GXYLT2: variants seen among roughly 807,000 people sequenced by gnomAD.
The protein encoded by GXYLT2 is glycosyltransferase 8 domain containing 4.
In GXYLT2, 53 loss-of-function variants were observed where a neutral mutation model predicts 45.8. That is an observed-to-expected ratio of 1.16 (90% CI 0.93 to 1.46). The LOEUF (loss-of-function observed/expected upper bound fraction) is 1.46. Among genes scored for constraint, GXYLT2 ranks in the 40% most tolerant of loss-of-function variants. The probability of loss-of-function intolerance (pLI) is 0.00; values close to 1 mark genes in which losing one functional copy is unlikely to be tolerated. For synonymous variants in GXYLT2, 219 were observed against 214.2 expected (o/e 1.02, Z -0.19); for missense variants, 551 against 544.4 (o/e 1.01, Z -0.12).
At chr3:72,908,299 G>A (rs944489484) in intron 1 of GXYLT2, 68 bp from the exon 2 acceptor site, 134 of 1,125,516 alleles carry the variant, frequency 1.2e-4, no homozygotes, top group Non-Finnish European at 1.6e-4. Context: ...CCATTCACTC[G>A]CCGGTTTTTT....
chr3:72,899,841 G>A (rs891273138), intron 1 of GXYLT2, among the ~76,000 whole-genome samples: 2 of 152,176 alleles, frequency 1.3e-5, no homozygotes, highest in Non-Finnish European at 2.9e-5. Context: ...CCCATAAGGT[G>A]AGGGTATTCA....
At chr3:72,928,605 A>G (rs570707405) in intron 3 of GXYLT2, among the ~76,000 whole-genome samples, 16 of 152,304 alleles carry the variant, frequency 1.1e-4, no homozygotes, top group African/African-American at 3.6e-4. Context: ...CTTAATGAGA[A>G]CAGCAAGCTA....
In GXYLT2 at chr3:72,922,295, A is replaced by C. The variant is rs926382704; in HGVS notation, c.560A>C (p.Lys187Thr). Residue 187 changes from lysine to threonine, a missense_variant, in exon 3 of 7, where the codon AAA becomes ACA. By Grantham distance (78) the Lys-to-Thr change is moderately conservative. Coordinates refer to ENST00000389617, the MANE Select transcript of GXYLT2 (RefSeq NM_001080393.2). ...FSVGNPQEWK[K>T]LFKPCAAQRL... ...GTTGGAAACCCTCAGGAGTGGAAGA[A>C]ATTGTTCAAACCCTGTGCTGCCCAG... 1.9e-6 allele frequency: 3 copies of C among 1,613,760 alleles called. No homozygotes were observed. The highest frequency in any genetic ancestry group is 2.5e-6 in the Non-Finnish European group (3 of 1,179,836).
intron 6 of GXYLT2, among the ~76,000 whole-genome samples, chr3:72,973,928 C>G (rs1000328237): frequency 5.9e-5 from 9 of 152,076 alleles, no homozygotes; most frequent in Non-Finnish European, 1.0e-4. Context: ...AATCTCCTTC[C>G]GAGAAGAAAC....
chr3:72,892,650 T>G (rs953937759), intron 1 of GXYLT2, among the ~76,000 whole-genome samples: 6 of 152,132 alleles, frequency 3.9e-5, no homozygotes, highest in African/African-American at 1.4e-4. Flanking sequence ...GCAGTTCCCT[T>G]TAGTGTCTGA....
rs1227891702 is a variant in GXYLT2 at position 72,975,729 on chromosome 3, C to T, written c.*570C>T. The T allele has an allele frequency of 2.0e-5, 3 of 152,194 alleles. No individual in the cohort carries two copies. The East Asian group carries it at 5.8e-4, about 29-fold the overall frequency. The allele number at this position is 152,194 out of a possible 1,614,324, so 9.4% of individuals were successfully genotyped here. ...TCTACTTTTGCATTTTCCACTCTAA[C>T]ACACATCTAAAACAGGTAATCTCAG... On this transcript the variant is annotated 3_prime_UTR_variant, in exon 7 of 7. Coordinates refer to ENST00000389617, the MANE Select transcript of GXYLT2 (RefSeq NM_001080393.2).
chr3:72,927,410 C>T (rs1283158486), intron 3 of GXYLT2, among the ~76,000 whole-genome samples: 2 of 152,104 alleles, frequency 1.3e-5, no homozygotes, highest in Admixed American at 6.5e-5. Flanking sequence ...TTTCTACTTA[C>T]GGCTTGTTAA....
At chr3:72,904,773 G>A (rs917305968) in intron 1 of GXYLT2, among the ~76,000 whole-genome samples, 1 of 151,292 alleles carries the variant, frequency 6.6e-6, no homozygotes. Context: ...AGGCATGGTG[G>A]CTCACCCCTG....
intron 4 of GXYLT2, among the ~76,000 whole-genome samples, chr3:72,955,922 A>T (rs1264649116): frequency 6.6e-6 from 1 of 152,152 alleles, no homozygotes; most frequent in East Asian, 1.9e-4. Context: ...TATTAAAAAC[A>T]CAAAAATTAG....
rs200250227 is a variant in GXYLT2, at chr3:72,975,926, C to CTTTTTTTTTTT, written c.*780_*790dup. On this transcript the variant is annotated 3_prime_UTR_variant, in exon 7 of 7. Transcript: ENST00000389617. ...GGGTATTTCTTCTTTTTCTTTCTTT[C>CTTTTTTTTTTT]TTTTTTTTTTTTTTTTTTTTTTTGA... is the stretch of plus-strand genomic sequence containing the variant. The CTTTTTTTTTTT allele has an allele frequency of 4.2e-5, 5 of 119,538 alleles. No individual in the cohort carries two copies. Among genetic ancestry groups the CTTTTTTTTTTT allele is most frequent in the African/African-American group, 1.6e-4 (5 of 30,560 alleles). 7.4% of individuals were successfully genotyped at this position (119,538 alleles called of 1,614,324 possible).
At chr3:72,973,292 G>A (rs916861345) in intron 6 of GXYLT2, among the ~76,000 whole-genome samples, 2 of 152,258 alleles carry the variant, frequency 1.3e-5, no homozygotes, top group East Asian at 1.9e-4. Flanking sequence ...GGAAAATCCC[G>A]TGAAACAGAA....
chr3:72,975,946 T>TTTTTTTTTTTTC lies in GXYLT2; in HGVS notation c.*790_*791insTTTTTTTTCTTT, dbSNP rs1559537589. On this transcript the variant is annotated 3_prime_UTR_variant, in exon 7 of 7. Transcript: ENST00000389617. The stretch of plus-strand genomic sequence containing the variant: ...TCTTTCTTTTTTTTTTTTTTTTTTT[T>TTTTTTTTTTTTC]TTTGAGACGGAATCTCACTCTGTAG... The TTTTTTTTTTTTC allele has an allele frequency of 7.7e-6, 1 of 129,602 alleles. No individual in the cohort carries two copies. Among genetic ancestry groups the TTTTTTTTTTTTC allele is most frequent in the Non-Finnish European group, 1.7e-5 (1 of 59,672 alleles). 8.0% of individuals were successfully genotyped at this position (129,602 alleles called of 1,614,324 possible). A position where few individuals can be genotyped will look rare whatever the true frequency, so the allele number is the denominator to read the frequency against.
intron 3 of GXYLT2, among the ~76,000 whole-genome samples, chr3:72,950,919 C>A (rs1421013453): frequency 1.3e-5 from 2 of 152,098 alleles, no homozygotes; most frequent in Admixed American, 6.6e-5. Context: ...GGAGCAGGAG[C>A]AGGAAGATCC....
intron 3 of GXYLT2, among the ~76,000 whole-genome samples, chr3:72,934,824 C>T (rs1004628360): frequency 6.6e-6 from 1 of 152,176 alleles, no homozygotes; most frequent in Non-Finnish European, 1.5e-5. Flanking sequence ...GACCCCAGGC[C>T]TGTTTCTACC....
At chr3:72,957,866 T>C (rs1364493073) in intron 5 of GXYLT2, among the ~76,000 whole-genome samples, 1 of 152,152 alleles carries the variant, frequency 6.6e-6, no homozygotes, top group Non-Finnish European at 1.5e-5. Flanking sequence ...GATGATTTGG[T>C]GGGGTAGAGG....
At chr3:72,918,974 G>A (rs1198139588) in intron 2 of GXYLT2, among the ~76,000 whole-genome samples, 1 of 152,196 alleles carries the variant, frequency 6.6e-6, no homozygotes, top group Non-Finnish European at 1.5e-5. Flanking sequence ...CTAGAACCCT[G>A]ACAACACCAA....
At chr3:72,938,114 GA>G (rs1445660647) in intron 3 of GXYLT2, among the ~76,000 whole-genome samples, 2 of 152,048 alleles carry the variant, frequency 1.3e-5, no homozygotes, top group East Asian at 3.9e-4. Flanking sequence ...TTTAAAAAAA[GA>G]AAAAAATGTA....
In GXYLT2 at chr3:72,927,783, G is replaced by T. The variant is rs182884101; in HGVS notation, c.600+5448G>T. On this transcript the variant is annotated intron_variant, in intron 3 of 6. Coordinates refer to ENST00000389617, the MANE Select transcript of GXYLT2 (RefSeq NM_001080393.2). ...AGATTAGCCACCTAAATGATTACATGAAATGACCTTAGATACCAATTTTGT... is the reference window on the plus strand; with the variant it reads ...AGATTAGCCACCTAAATGATTACATTAAATGACCTTAGATACCAATTTTGT... Among the ~76,000 whole-genome samples, 5 of 152,312 alleles carry T rather than the reference G, an allele frequency of 3.3e-5. No homozygotes were observed. In the East Asian group the frequency reaches 9.6e-4, roughly 29 times the overall value.
intron 3 of GXYLT2, among the ~76,000 whole-genome samples, chr3:72,947,639 A>C (rs1239955628): frequency 6.6e-6 from 1 of 152,104 alleles, no homozygotes; most frequent in African/African-American, 2.4e-5. Context: ...GCCTCTACTA[A>C]AAATGCAAAA....
Sources: allele counts gnomAD v4.1 joint callset (sites outside exome capture counted in the v4.1 genomes callset), GRCh38; gene constraint gnomAD v4.1.1; transcripts MANE v1.5; gene names NCBI Gene and HGNC (gene_info 2026-07-23, HGNC 2026-07-21).